DLG2: variants seen among roughly 807,000 people sequenced by gnomAD.
DLG2 encodes the protein discs large MAGUK scaffold protein 2.
A neutral mutation model predicts 132.5 loss-of-function variants in DLG2; 45 were observed. The observed-to-expected ratio is 0.34, with a 90% CI of 0.27 to 0.44. The LOEUF (loss-of-function observed/expected upper bound fraction) is 0.44. Among genes scored for constraint, DLG2 ranks in the 20% least tolerant of loss-of-function variants. The pLI, the probability that DLG2 is intolerant of heterozygous loss-of-function variation, is 1.00. For synonymous variants in DLG2, 424 were observed against 419.6 expected (o/e 1.01, Z -0.13); for missense variants, 1,045 against 1,196.9 (o/e 0.87, Z 1.87).
rs564029871 is a variant in DLG2 at position 85,406,718 on chromosome 11, T to A, written c.41-121353A>T. ...TTTAACAAATATTTATTGAGGCCAC[T>A]GTTTTGGGTACCAGAAACAGAGTAA... is the stretch of plus-strand genomic sequence containing the variant. On this transcript the variant is annotated intron_variant, in intron 3 of 27. Coordinates refer to ENST00000376104, the MANE Select transcript of DLG2 (RefSeq NM_001142699.3). Among the ~76,000 whole-genome samples, 30 of 152,114 alleles carry A rather than the reference T, an allele frequency of 2.0e-4. No homozygotes were observed. In the South Asian group the frequency reaches 5.8e-3, roughly 29 times the overall value.
At chr11:85,586,225 G>A (rs76637561) in intron 3 of DLG2, among the ~76,000 whole-genome samples, 9,917 of 152,102 alleles carry the variant, frequency 0.065, 1,044 homozygotes, top group African/African-American at 0.23. Flanking sequence ...GTAAATCCCA[G>A]AATGATTTAG....
At chr11:85,088,743 AAAG>A (rs1344811211) in intron 6 of DLG2, among the ~76,000 whole-genome samples, 1 of 152,186 alleles carries the variant, frequency 6.6e-6, no homozygotes, top group Non-Finnish European at 1.5e-5. Context: ...TAAGCTTGTT[AAAG>A]AAAAATCAAA....
chr11:83,639,479 C>T (rs184444724), intron 18 of DLG2, among the ~76,000 whole-genome samples: 1 of 151,902 alleles, frequency 6.6e-6, no homozygotes, highest in African/African-American at 2.4e-5. Flanking sequence ...AAGCTGGAAA[C>T]CATCATTCTC....
intron 18 of DLG2, among the ~76,000 whole-genome samples, chr11:83,694,021 C>T (rs1195059384): frequency 1.3e-5 from 2 of 152,144 alleles, no homozygotes; most frequent in African/African-American, 4.8e-5. Context: ...CTGTGAAGCC[C>T]TCTTACATAG....
At chr11:85,304,123 C>T (rs1352653575) in intron 3 of DLG2, among the ~76,000 whole-genome samples, 1 of 152,104 alleles carries the variant, frequency 6.6e-6, no homozygotes, top group Non-Finnish European at 1.5e-5. Context: ...TGTTGTTACA[C>T]CTAGCAGATT....
chr11:83,839,500 T>C (rs1280679047), intron 16 of DLG2, among the ~76,000 whole-genome samples: 1 of 152,180 alleles, frequency 6.6e-6, no homozygotes, highest in Non-Finnish European at 1.5e-5. Context: ...CAAGTCCTAT[T>C]TTACCGATGC....
At chr11:85,190,997 G>T (rs981749044) in intron 4 of DLG2, among the ~76,000 whole-genome samples, 1 of 152,052 alleles carries the variant, frequency 6.6e-6, no homozygotes, top group Non-Finnish European at 1.5e-5. Flanking sequence ...CAGCAATCTC[G>T]TTACTGTCAT....
At chr11:85,058,883 T>A (rs925187925) in intron 6 of DLG2, among the ~76,000 whole-genome samples, 18 of 151,504 alleles carry the variant, frequency 1.2e-4, no homozygotes, top group Admixed American at 2.6e-4. Context: ...TCAATTTAGA[T>A]CTAAATGTGA....
rs1597348087 is a variant in DLG2 at position 85,437,766 on chromosome 11, G to A, written c.41-152401C>T. 4.6e-5 allele frequency among the ~76,000 whole-genome samples: 7 copies of A among 151,398 alleles called. No individual in the cohort carries two copies. The South Asian group carries it at 1.5e-3, about 32-fold the overall frequency. The stretch of plus-strand genomic sequence containing the variant: ...AATATAAGTTAATTTAGGAAATATA[G>A]AAGATATGTATAATTAAAAGTAAAG... On this transcript the variant is annotated intron_variant, in intron 3 of 27. Transcript: ENST00000376104.
At chr11:84,809,916 A>G (rs933139429) in intron 6 of DLG2, among the ~76,000 whole-genome samples, 1 of 152,028 alleles carries the variant, frequency 6.6e-6, no homozygotes, top group Non-Finnish European at 1.5e-5. Flanking sequence ...GTGGAACAGA[A>G]AAGACATGCC....
intron 6 of DLG2, among the ~76,000 whole-genome samples, chr11:84,692,946 A>C (rs1299638708): frequency 6.6e-6 from 1 of 151,858 alleles, no homozygotes; most frequent in Admixed American, 6.6e-5. Context: ...GACTTAGCGA[A>C]GTTATATAAC....
chr11:83,907,268 T>C (rs2075179611), intron 15 of DLG2, among the ~76,000 whole-genome samples: 1 of 152,108 alleles, frequency 6.6e-6, no homozygotes, highest in African/African-American at 2.4e-5. Flanking sequence ...ACTTACTATA[T>C]CCCAAACATT....
intron 5 of DLG2, among the ~76,000 whole-genome samples, chr11:85,124,830 T>TG (rs2074871603): frequency 7.9e-6 from 1 of 126,668 alleles, no homozygotes; most frequent in African/African-American, 3.2e-5. Flanking sequence ...TTGAGCACAG[T>TG]AAAATTTTTT....
At chr11:84,360,423 T>C (rs897515104) in intron 7 of DLG2, among the ~76,000 whole-genome samples, 1 of 151,830 alleles carries the variant, frequency 6.6e-6, no homozygotes, top group Non-Finnish European at 1.5e-5. Context: ...ACGAGGGAAA[T>C]TGCCCACCAA....
At chr11:83,840,810 T>C (rs1410249291) in intron 16 of DLG2, among the ~76,000 whole-genome samples, 1 of 152,218 alleles carries the variant, frequency 6.6e-6, no homozygotes, top group Non-Finnish European at 1.5e-5. Flanking sequence ...GACATCTGCT[T>C]CATGTTTTTC....
chr11:83,551,694 G>A (rs1038327554), intron 19 of DLG2, among the ~76,000 whole-genome samples: 11 of 152,174 alleles, frequency 7.2e-5, no homozygotes, highest in South Asian at 4.2e-4. Flanking sequence ...TCATATGCCC[G>A]TAAAGTTTCC....
intron 6 of DLG2, among the ~76,000 whole-genome samples, chr11:84,980,436 C>G (rs550055891): frequency 2.6e-4 from 39 of 152,176 alleles, no homozygotes; most frequent in Non-Finnish European, 5.3e-4. Context: ...CATTCCTCCC[C>G]CTATACAGGC....
intron 6 of DLG2, among the ~76,000 whole-genome samples, chr11:84,752,564 CT>C (rs370347853): frequency 0.075 from 9,516 of 127,406 alleles, 348 homozygotes; most frequent in African/African-American, 0.13. Flanking sequence ...TTTTCTTTTT[CT>C]TTTTTTTTTT....
intron 7 of DLG2, among the ~76,000 whole-genome samples, chr11:84,320,805 C>T (rs2154396834): frequency 6.6e-6 from 1 of 152,190 alleles, no homozygotes; most frequent in Non-Finnish European, 1.5e-5. Flanking sequence ...TTTAAAATGT[C>T]CCGAATTGTA....
Sources: allele counts gnomAD v4.1 joint callset (sites outside exome capture counted in the v4.1 genomes callset), GRCh38; gene constraint gnomAD v4.1.1; transcripts MANE v1.5; gene names NCBI Gene and HGNC (gene_info 2026-07-23, HGNC 2026-07-21).